The following B4GALT5 variants were observed in gnomAD, a reference collection of about 807,000 sequenced individuals.
B4GALT5 encodes the protein UDP-Gal:beta-GlcNAc beta-1,4-galactosyltransferase 5.
A neutral mutation model predicts 45.0 loss-of-function variants in B4GALT5; 11 were observed. The observed-to-expected ratio is 0.24, with a 90% confidence interval of 0.15 to 0.40. The LOEUF is 0.40. Ranked by LOEUF, B4GALT5 falls within the 10% of genes least tolerant of loss-of-function variation. The pLI is 1.00. For synonymous variants in B4GALT5, 185 were observed against 182.9 expected (o/e 1.01, Z -0.09); for missense variants, 337 against 500.2 (o/e 0.67, Z 3.11).
chr20:49,712,850 GAT>G (rs1205864662), intron 1 of B4GALT5, among the ~76,000 whole-genome samples: 366 of 89,896 alleles, frequency 4.1e-3, no homozygotes, highest in Middle Eastern at 5.7e-3. Flanking sequence ...GGGGGGGGGA[GAT>G]GGGGAAGAGG....
chr20:49,690,807 T>G (rs2085807566), intron 1 of B4GALT5, among the ~76,000 whole-genome samples: 1 of 152,216 alleles, frequency 6.6e-6, no homozygotes, highest in African/African-American at 2.4e-5. Flanking sequence ...TTTTTATGAA[T>G]TCATGGAGAC....
chr20:49,698,521 GAA>G, intron 1 of B4GALT5, among the ~76,000 whole-genome samples: 1 of 152,174 alleles, frequency 6.6e-6, no homozygotes, highest in African/African-American at 2.4e-5. Context: ...AAACCAGAAT[GAA>G]AAAGTCAGGT....
At chr20:49,665,230 C>T (rs773783179) in intron 1 of B4GALT5, among the ~76,000 whole-genome samples, 1 of 151,822 alleles carries the variant, frequency 6.6e-6, no homozygotes, top group East Asian at 1.9e-4. Flanking sequence ...ACAGCCTGGG[C>T]TGTTCCTAGT....
At chr20:49,645,913 T>C (rs965144317) in intron 3 of B4GALT5, among the ~76,000 whole-genome samples, 22 of 152,042 alleles carry the variant, frequency 1.4e-4, no homozygotes, top group African/African-American at 5.1e-4. Context: ...TGGAGTGTAG[T>C]GGCACGATCA....
chr20:49,685,679 G>A (rs1489034723), intron 1 of B4GALT5, among the ~76,000 whole-genome samples: 7 of 152,038 alleles, frequency 4.6e-5, no homozygotes, highest in Non-Finnish European at 7.4e-5. Flanking sequence ...TAGAAATTAC[G>A]GACTCAGAAG....
chr20:49,652,829 G>A (rs974373789), intron 2 of B4GALT5, among the ~76,000 whole-genome samples: 4 of 152,186 alleles, frequency 2.6e-5, no homozygotes, highest in African/African-American at 9.7e-5. Context: ...GCCTGAATGT[G>A]GGTATGTGCC....
At chr20:49,639,286 AGTTT>A (rs375422114) in intron 7 of B4GALT5, among the ~76,000 whole-genome samples, 59 of 152,296 alleles carry the variant, frequency 3.9e-4, no homozygotes, top group African/African-American at 1.2e-3. Flanking sequence ...TGGGATATAC[AGTTT>A]GTTTTTTAAG....
At chr20:49,686,978 T>C (rs140641997) in intron 1 of B4GALT5, among the ~76,000 whole-genome samples, 222 of 152,280 alleles carry the variant, frequency 1.5e-3, no homozygotes, top group Admixed American at 0.013. Context: ...CAAAATCCAA[T>C]TCTGCTTTTC....
At chr20:49,673,949 T>C (rs764807014) in intron 1 of B4GALT5, among the ~76,000 whole-genome samples, 16 of 151,958 alleles carry the variant, frequency 1.1e-4, no homozygotes, top group Non-Finnish European at 2.1e-4. Context: ...TAATAAAAAG[T>C]TCTGGGGGCC....
intron 1 of B4GALT5, among the ~76,000 whole-genome samples, chr20:49,686,776 A>G (rs2085787680): frequency 6.7e-6 from 1 of 148,212 alleles, no homozygotes; most frequent in Non-Finnish European, 1.5e-5. Context: ...GTGCACACCT[A>G]CAGCCCCAGA....
chr20:49,699,821 C>T lies in B4GALT5; in HGVS notation c.115+13755G>A, dbSNP rs537069900. Among the ~76,000 whole-genome samples the T allele has an allele frequency of 9.2e-5, 14 of 152,280 alleles. No homozygotes were observed. The South Asian group carries it at 1.0e-3, about 11-fold the overall frequency. ...ACTCTGCTGAATTTCACCCTGACAACGTAAATTGACAGCTTATCTTCACAG... is the reference window on the plus strand; with the variant it reads ...ACTCTGCTGAATTTCACCCTGACAATGTAAATTGACAGCTTATCTTCACAG... On this transcript the variant is annotated intron_variant, in intron 1 of 8. Coordinates refer to ENST00000371711, the MANE Select transcript of B4GALT5 (RefSeq NM_004776.4).
intron 2 of B4GALT5, among the ~76,000 whole-genome samples, chr20:49,655,321 C>G (rs2085638117): frequency 6.6e-6 from 1 of 151,720 alleles, no homozygotes; most frequent in South Asian, 2.1e-4. Context: ...ACCCCAGCTA[C>G]TCGGGAGGCT....
At chr20:49,703,792 G>A (rs2085872911) in intron 1 of B4GALT5, among the ~76,000 whole-genome samples, 1 of 151,680 alleles carries the variant, frequency 6.6e-6, no homozygotes, top group South Asian at 2.1e-4. Context: ...AGGAGGCTGA[G>A]GCAGCAGTAT....
chr20:49,643,378 C>A (rs1601246709), intron 4 of B4GALT5, 148 bp downstream of exon 4: 1 of 1,041,526 alleles, frequency 9.6e-7, no homozygotes, highest in East Asian at 2.6e-5. Context: ...CTTGTGGAAA[C>A]CCATTCCTCT....
chr20:49,660,140 A>G (rs904279684), intron 1 of B4GALT5, among the ~76,000 whole-genome samples: 1 of 150,720 alleles, frequency 6.6e-6, no homozygotes, highest in African/African-American at 2.4e-5. Context: ...TCACAACCTC[A>G]CTCCCCATCC....
intron 1 of B4GALT5, among the ~76,000 whole-genome samples, chr20:49,677,412 A>C (rs991782724): frequency 3.9e-5 from 6 of 152,148 alleles, no homozygotes; most frequent in African/African-American, 1.4e-4. Context: ...ACTATTCTTT[A>C]ATCCACTGAC....
intron 1 of B4GALT5, among the ~76,000 whole-genome samples, chr20:49,702,213 T>C (rs2085864929): frequency 6.6e-6 from 1 of 151,904 alleles, no homozygotes; most frequent in Admixed American, 6.6e-5. Context: ...AGACAGAGAA[T>C]AATAAAGAAA....
In B4GALT5 at chr20:49,640,811, C is replaced by G. The variant is rs543921024; in HGVS notation, c.607-146G>C. On this transcript the variant is annotated intron_variant, in intron 5 of 8. Transcript: ENST00000371711. Reference sequence around the variant, plus strand: ...AGGTCCAACACCACAAATCAACTCACAGTGTGGCTCAGAAGTCACTGGACC... The same window carrying G: ...AGGTCCAACACCACAAATCAACTCAGAGTGTGGCTCAGAAGTCACTGGACC... 9.6e-4 allele frequency: 768 copies of G among 796,732 alleles called. 3 individuals carry two copies. The highest frequency in any genetic ancestry group is 1.4e-3 in the Non-Finnish European group (714 of 525,084). The allele number at this position is 796,732 out of a possible 1,614,324, so 49.4% of individuals were successfully genotyped here.
chr20:49,647,312 A>G (rs1327697411), intron 2 of B4GALT5, among the ~76,000 whole-genome samples: 1 of 152,236 alleles, frequency 6.6e-6, no homozygotes, highest in Non-Finnish European at 1.5e-5. Context: ...GTTTATATGC[A>G]GCACTCAGTT....
Sources: gnomAD v4.1 joint callset for allele counts (sites outside exome capture counted in the v4.1 genomes callset) on GRCh38, gnomAD v4.1.1 for gene constraint, MANE v1.5 for transcripts, NCBI Gene and HGNC (gene_info 2026-07-23, HGNC 2026-07-21) for gene names.